The following GRXCR1 variants were observed in gnomAD, a reference collection of about 807,000 sequenced individuals.
GRXCR1 encodes the protein glutaredoxin and cysteine rich domain containing 1.
A neutral mutation model predicts 27.3 loss-of-function variants in GRXCR1; 27 were observed. The ratio of observed to expected loss-of-function variants is 0.99; its 90% confidence interval spans 0.73 to 1.37. GRXCR1 has a LOEUF of 1.37. Among genes scored for constraint, GRXCR1 ranks in the 40% most tolerant of loss-of-function variants. The probability of loss-of-function intolerance (pLI) is 0.00; values close to 1 mark genes in which losing one functional copy is unlikely to be tolerated. For synonymous variants in GRXCR1, 122 were observed against 131.1 expected (o/e 0.93, Z 0.47); for missense variants, 379 against 354.4 (o/e 1.07, Z -0.56).
At position 42,947,529 on chromosome 4, in the gene GRXCR1, A is replaced by C. The variant is rs554471690; in HGVS notation, c.385-15363A>C. On this transcript the variant is annotated intron_variant, in intron 1 of 3. Transcript: ENST00000399770. ...ACTTCATTCAATGATTGCTTTTTCCAATATTGATTGGGTTACTGATAAAAT... is the reference window on the plus strand; with the variant it reads ...ACTTCATTCAATGATTGCTTTTTCCCATATTGATTGGGTTACTGATAAAAT... 2.6e-5 allele frequency among the ~76,000 whole-genome samples: 4 copies of C among 152,256 alleles called. No individual in the cohort carries two copies. The South Asian group carries it at 6.2e-4, about 24-fold the overall frequency.
At chr4:42,982,563 A>G (rs1560674524) in intron 2 of GRXCR1, among the ~76,000 whole-genome samples, 2 of 120,944 alleles carry the variant, frequency 1.7e-5, no homozygotes, top group African/African-American at 6.3e-5. Flanking sequence ...TCCTTTGGGT[A>G]TATACCCAGT....
At position 42,990,173 on chromosome 4, in the gene GRXCR1, C is replaced by CTTT. The variant is rs745784596; in HGVS notation, c.627+27073_627+27075dup. 4.5e-4 allele frequency among the ~76,000 whole-genome samples: 21 copies of CTTT among 46,228 alleles called. 6 individuals carry two copies. The highest frequency in any genetic ancestry group is 5.8e-4 in the Non-Finnish European group (15 of 26,050). The allele number at this position is 46,228 out of a possible 152,430, so 30.3% of individuals were successfully genotyped here. ...AACTTCTTGAATTGAATTATTAGTT[C>CTTT]TTTTTTTTTTTTTTTTTTTTTTTTT... On this transcript the variant is annotated intron_variant, in intron 2 of 3. Transcript: ENST00000399770.
intron 2 of GRXCR1, among the ~76,000 whole-genome samples, chr4:42,986,335 C>G (rs1711722593): frequency 6.6e-6 from 1 of 152,180 alleles, no homozygotes; most frequent in African/African-American, 2.4e-5. Context: ...TGAGCTTTTT[C>G]TCTGAGTGTA....
intron 1 of GRXCR1, among the ~76,000 whole-genome samples, chr4:42,898,373 G>C (rs1746395887): frequency 6.6e-6 from 1 of 151,942 alleles, no homozygotes; most frequent in Non-Finnish European, 1.5e-5. Context: ...TCATGAGGTT[G>C]CAAGGATTGA....
intron 2 of GRXCR1, among the ~76,000 whole-genome samples, chr4:42,987,229 T>TTATA (rs1349228105): frequency 2.2e-4 from 20 of 92,234 alleles, no homozygotes; most frequent in African/African-American, 7.2e-4. Context: ...ATATTATATA[T>TTATA]TATATATATA....
rs577418823 is a variant in GRXCR1, at chr4:42,907,122, G to A, written c.384+13472G>A. 2.6e-3 allele frequency among the ~76,000 whole-genome samples: 402 copies of A among 152,274 alleles called. 2 individuals carry two copies. The highest frequency in any genetic ancestry group is 0.014 in the Middle Eastern group (4 of 294). On this transcript the variant is annotated intron_variant, in intron 1 of 3. Transcript: ENST00000399770. ...GTAGTCATCTTGGCTAGAAGCCAGC[G>A]CCAGCCCAGACGCTGGAGATGGTCT...
chr4:42,956,306 G>A (rs2109771752), intron 1 of GRXCR1, among the ~76,000 whole-genome samples: 1 of 152,212 alleles, frequency 6.6e-6, no homozygotes, highest in East Asian at 1.9e-4. Flanking sequence ...TGTCTCAGAT[G>A]CTTCCATCCT....
intron 3 of GRXCR1, among the ~76,000 whole-genome samples, chr4:43,022,820 G>A (rs2109808403): frequency 6.6e-6 from 1 of 152,312 alleles, no homozygotes; most frequent in South Asian, 2.1e-4. Context: ...TTTTCATGAT[G>A]CAGGAAACAT....
chr4:42,914,013 G>A (rs895109823), intron 1 of GRXCR1, among the ~76,000 whole-genome samples: 1 of 152,230 alleles, frequency 6.6e-6, no homozygotes, highest in Non-Finnish European at 1.5e-5. Context: ...TTCAGAGGAT[G>A]TATGAAAATG....
At chr4:43,020,915 A>G (rs1713073840) in intron 3 of GRXCR1, among the ~76,000 whole-genome samples, 1 of 152,220 alleles carries the variant, frequency 6.6e-6, no homozygotes, top group Non-Finnish European at 1.5e-5. Flanking sequence ...ATTAACATGC[A>G]ACCGGAAAGC....
chr4:42,912,177 T>C (rs1452596359), intron 1 of GRXCR1, among the ~76,000 whole-genome samples: 1 of 152,152 alleles, frequency 6.6e-6, no homozygotes, highest in African/African-American at 2.4e-5. Flanking sequence ...AAAATGGGTA[T>C]TTAAACAAGA....
At chr4:42,942,333 C>A (rs1185443397) in intron 1 of GRXCR1, among the ~76,000 whole-genome samples, 2 of 151,940 alleles carry the variant, frequency 1.3e-5, no homozygotes, top group Non-Finnish European at 2.9e-5. Context: ...TAAGATTTCA[C>A]TCTATCTTCC....
At chr4:42,909,637 T>C (rs1746673113) in intron 1 of GRXCR1, among the ~76,000 whole-genome samples, 1 of 152,180 alleles carries the variant, frequency 6.6e-6, no homozygotes, top group Admixed American at 6.6e-5. Flanking sequence ...TCCTGGTTAG[T>C]AACTTTACGT....
At chr4:42,937,281 ATTTTT>A (rs1747482936) in intron 1 of GRXCR1, among the ~76,000 whole-genome samples, 2 of 122 alleles carry the variant, frequency 0.016, no homozygotes, top group Non-Finnish European at 0.048. Context: ...GGTCTTTTTT[ATTTTT>A]ATTTTTATTT....
intron 2 of GRXCR1, among the ~76,000 whole-genome samples, chr4:42,982,848 T>C (rs1372811474): frequency 6.6e-6 from 1 of 151,400 alleles, no homozygotes; most frequent in African/African-American, 2.4e-5. Flanking sequence ...GCTGCATAAA[T>C]GTCTTCTTTT....
rs527391642 is a variant in GRXCR1 at position 42,995,990 on chromosome 4, A to G, written c.628-24364A>G. Among the ~76,000 whole-genome samples the G allele has an allele frequency of 7.2e-5, 11 of 152,344 alleles. No individual in the cohort carries two copies. The South Asian group carries it at 2.1e-3, about 29-fold the overall frequency. On this transcript the variant is annotated intron_variant, in intron 2 of 3. Coordinates refer to ENST00000399770, the MANE Select transcript of GRXCR1 (RefSeq NM_001080476.3). ...AGGAGAACACCTCAAATATAAGCATATGAGTTTTCAGGTTTCTTCATTATG... is the reference window on the plus strand; with the variant it reads ...AGGAGAACACCTCAAATATAAGCATGTGAGTTTTCAGGTTTCTTCATTATG...
At chr4:42,902,478 G>A (rs1746482855) in intron 1 of GRXCR1, among the ~76,000 whole-genome samples, 1 of 152,160 alleles carries the variant, frequency 6.6e-6, no homozygotes, top group Middle Eastern at 3.2e-3. Flanking sequence ...TTCGATGGCT[G>A]CATAGTATTC....
intron 1 of GRXCR1, among the ~76,000 whole-genome samples, chr4:42,937,786 T>C (rs1209920758): frequency 6.6e-6 from 1 of 152,010 alleles, no homozygotes; most frequent in Non-Finnish European, 1.5e-5. Flanking sequence ...AAAGTTTTTA[T>C]TTTTTATGGA....
intron 1 of GRXCR1, among the ~76,000 whole-genome samples, chr4:42,908,225 C>G (rs1746641126): frequency 6.6e-6 from 1 of 152,188 alleles, no homozygotes; most frequent in Non-Finnish European, 1.5e-5. Flanking sequence ...CTTTATTTTA[C>G]ACTGAATTGC....
Sources: allele counts gnomAD v4.1 joint callset (sites outside exome capture counted in the v4.1 genomes callset), GRCh38; gene constraint gnomAD v4.1.1; transcripts MANE v1.5; gene names NCBI Gene and HGNC (gene_info 2026-07-23, HGNC 2026-07-21).